The following CAMK2D variants were observed in gnomAD, a reference collection of about 807,000 sequenced individuals.
CAMK2D encodes calcium/calmodulin dependent protein kinase II delta, also known as calcium/calmodulin-dependent protein kinase type II subunit delta.
CAMK2D carries 37 observed loss-of-function variants against 84.0 expected under a neutral mutation model. That is an observed-to-expected ratio of 0.44 (90% CI 0.34 to 0.58). The LOEUF (loss-of-function observed/expected upper bound fraction) is 0.58, where lower values mean the gene tolerates loss of function less well. Among genes scored for constraint, CAMK2D ranks in the 20% least tolerant of loss-of-function variants. The pLI, the probability that CAMK2D is intolerant of heterozygous loss-of-function variation, is 0.02. For missense variants in CAMK2D, 448 were observed against 652.5 expected (o/e 0.69, Z 3.41); for synonymous variants, 202 against 212.5 (o/e 0.95, Z 0.43).
intron 5 of CAMK2D, 148 bp downstream of exon 5, chr4:113,551,883 C>A (rs566469609): frequency 6.9e-6 from 3 of 431,994 alleles, no homozygotes; most frequent in South Asian, 1.7e-4. Flanking sequence ...AAAATATAGA[C>A]CAGATTCATG....
At chr4:113,750,138 A>G (rs1441681983) in intron 2 of CAMK2D, among the ~76,000 whole-genome samples, 11 of 152,252 alleles carry the variant, frequency 7.2e-5, no homozygotes, top group Admixed American at 7.2e-4. Context: ...AAATCTGGCA[A>G]GCTCCATAAG....
chr4:113,705,419 A>C (rs769267827), intron 2 of CAMK2D, among the ~76,000 whole-genome samples: 1 of 151,864 alleles, frequency 6.6e-6, no homozygotes, highest in African/African-American at 2.4e-5. Flanking sequence ...TGATTTCTGC[A>C]TTCAGCAGCT....
At chr4:113,745,917 C>G (rs1002129687) in intron 2 of CAMK2D, among the ~76,000 whole-genome samples, 1 of 152,176 alleles carries the variant, frequency 6.6e-6, no homozygotes, top group Non-Finnish European at 1.5e-5. Context: ...ACAGCTGCAA[C>G]ATGCCACACG....
At chr4:113,647,155 A>G (rs1427647749) in intron 3 of CAMK2D, among the ~76,000 whole-genome samples, 1 of 152,182 alleles carries the variant, frequency 6.6e-6, no homozygotes, top group Non-Finnish European at 1.5e-5. Flanking sequence ...AGCTTTCATT[A>G]CCTTTTTGTG....
intron 3 of CAMK2D, among the ~76,000 whole-genome samples, chr4:113,652,839 ATAAG>A (rs1438790324): frequency 6.6e-6 from 1 of 152,154 alleles, no homozygotes; most frequent in Non-Finnish European, 1.5e-5. Flanking sequence ...TCTATGTACT[ATAAG>A]TAACTCTAAA....
At chr4:113,760,983 A>T in intron 1 of CAMK2D, 21 bp downstream of exon 1, 1 of 1,614,078 alleles carries the variant, frequency 6.2e-7, no homozygotes, top group East Asian at 2.2e-5. Context: ...GGATATGCGG[A>T]TGCCGGGCAA....
chr4:113,519,884 C>T (rs997427757), intron 8 of CAMK2D, among the ~76,000 whole-genome samples: 1 of 152,194 alleles, frequency 6.6e-6, no homozygotes, highest in East Asian at 1.9e-4. Context: ...ACTGTTTCAA[C>T]CACAAGCAGG....
At chr4:113,484,417 G>A (rs1219104493) in intron 16 of CAMK2D, among the ~76,000 whole-genome samples, 2 of 152,096 alleles carry the variant, frequency 1.3e-5, no homozygotes, top group Non-Finnish European at 2.9e-5. Flanking sequence ...TATGATTCCA[G>A]ATCTCTGCTT....
At chr4:113,503,247 G>C (rs2098081352) in intron 14 of CAMK2D, 1 of 665,780 alleles carries the variant, frequency 1.5e-6, no homozygotes, top group Non-Finnish European at 2.8e-6. Context: ...GATATTTAGA[G>C]ATCTGAAGAG....
intron 4 of CAMK2D, among the ~76,000 whole-genome samples, chr4:113,587,684 T>C (rs987561818): frequency 1.3e-5 from 2 of 152,156 alleles, no homozygotes; most frequent in African/African-American, 2.4e-5. Context: ...TGGAAAGTGT[T>C]CTTCCTTCTC....
intron 4 of CAMK2D, among the ~76,000 whole-genome samples, chr4:113,582,064 C>G (rs1323765615): frequency 6.6e-6 from 1 of 152,190 alleles, no homozygotes. Flanking sequence ...ATAACTCTCA[C>G]TTAACCATGG....
chr4:113,481,370 G>C lies in CAMK2D; in HGVS notation c.1136-15766C>G, dbSNP rs190842411. 2.8e-3 allele frequency among the ~76,000 whole-genome samples: 433 copies of C among 152,254 alleles called. 2 individuals are homozygous for C. The highest frequency in any genetic ancestry group is 5.5e-3 in the Non-Finnish European group (374 of 68,036). ...CTCTACAGAAACTTACATTTTAGTA[G>C]GGGGAAGAGGAACAGGAAACAAGTA... On this transcript the variant is annotated intron_variant, in intron 16 of 20. Coordinates refer to ENST00000511664, the MANE Select transcript of CAMK2D (RefSeq NM_001321571.2).
intron 2 of CAMK2D, among the ~76,000 whole-genome samples, chr4:113,698,719 A>T (rs1446138151): frequency 6.6e-6 from 1 of 152,122 alleles, no homozygotes; most frequent in Non-Finnish European, 1.5e-5. Flanking sequence ...CTTTCCAAAC[A>T]TATTTTGTGA....
At chr4:113,735,111 C>T (rs1368120253) in intron 2 of CAMK2D, among the ~76,000 whole-genome samples, 1 of 151,366 alleles carries the variant, frequency 6.6e-6, no homozygotes, top group Non-Finnish European at 1.5e-5. Flanking sequence ...ATATAAGAGC[C>T]CAGTTAGAAT....
chr4:113,546,547 C>T (rs977018844), intron 6 of CAMK2D, among the ~76,000 whole-genome samples: 1 of 152,188 alleles, frequency 6.6e-6, no homozygotes, highest in African/African-American at 2.4e-5. Flanking sequence ...ATATAGTCTT[C>T]TAGAACATTA....
chr4:113,545,166 G>A (rs576072911), intron 6 of CAMK2D, among the ~76,000 whole-genome samples: 3 of 152,212 alleles, frequency 2.0e-5, no homozygotes, highest in African/African-American at 4.8e-5. Flanking sequence ...TAAATTGAAG[G>A]AATATGCTGC....
At chr4:113,485,158 G>A (rs895838720) in intron 16 of CAMK2D, among the ~76,000 whole-genome samples, 2 of 152,156 alleles carry the variant, frequency 1.3e-5, no homozygotes, top group African/African-American at 4.8e-5. Context: ...AACAAATGGA[G>A]TTTTTAATCA....
chr4:113,454,476 T>C lies in CAMK2D; in HGVS notation c.*69A>G, dbSNP rs762283480. 1.9e-5 allele frequency: 15 copies of C among 778,382 alleles called. No individual in the cohort carries two copies. The East Asian group carries it at 3.6e-4, about 19-fold the overall frequency. 48.2% of individuals were successfully genotyped at this position (778,382 alleles called of 1,614,324 possible). On this transcript the variant is annotated 3_prime_UTR_variant, in exon 21 of 21. Coordinates refer to ENST00000511664, the MANE Select transcript of CAMK2D (RefSeq NM_001321571.2). ...GCCCAGGGTCACCATCCAGGTGCCTTGAGAACAGAGAATGCAGAAGTGGCA... is the reference window on the plus strand; with the variant it reads ...GCCCAGGGTCACCATCCAGGTGCCTCGAGAACAGAGAATGCAGAAGTGGCA...
At chr4:113,669,000 T>C (rs2099268924) in intron 2 of CAMK2D, among the ~76,000 whole-genome samples, 1 of 152,188 alleles carries the variant, frequency 6.6e-6, no homozygotes, top group Non-Finnish European at 1.5e-5. Flanking sequence ...TAAATATTGA[T>C]ATTTGATGGC....
Sources: allele counts gnomAD v4.1 joint callset (sites outside exome capture counted in the v4.1 genomes callset), GRCh38; gene constraint gnomAD v4.1.1; transcripts MANE v1.5; gene names NCBI Gene and HGNC (gene_info 2026-07-23, HGNC 2026-07-21).